The following PATJ variants were observed in gnomAD, a reference collection of about 807,000 sequenced individuals.
PATJ encodes PATJ crumbs cell polarity complex component.
Under a neutral mutation model 224.9 loss-of-function variants are expected in PATJ, and 190 were observed. The observed-to-expected ratio is 0.84, with a 90% CI of 0.75 to 0.95. The LOEUF (loss-of-function observed/expected upper bound fraction) is 0.95. PATJ is among the 40% of genes least tolerant of loss of function. PATJ has a pLI of 0.00. For missense variants in PATJ, 2,121 were observed against 2,270.3 expected (o/e 0.93, Z 1.34); for synonymous variants, 769 against 820.3 (o/e 0.94, Z 1.07).
chr1:62,023,824 G>A (rs886172483), intron 29 of PATJ, among the ~76,000 whole-genome samples: 5 of 152,116 alleles, frequency 3.3e-5, no homozygotes, highest in African/African-American at 4.8e-5. Flanking sequence ...GCATGATGTC[G>A]GCTGCAGATT....
chr1:61,753,894 A>G (rs1355037581), intron 1 of PATJ, among the ~76,000 whole-genome samples: 2 of 150,966 alleles, frequency 1.3e-5, no homozygotes, highest in African/African-American at 4.8e-5. Flanking sequence ...AATATAAAAT[A>G]TAATTTAATT....
intron 27 of PATJ, among the ~76,000 whole-genome samples, chr1:61,965,618 A>G (rs1682019817): frequency 6.6e-6 from 1 of 152,214 alleles, no homozygotes; most frequent in African/African-American, 2.4e-5. Context: ...TTCAGTTGAC[A>G]AGGGACAGAG....
At chr1:61,800,749 G>T (rs1652304110) in intron 11 of PATJ, among the ~76,000 whole-genome samples, 1 of 151,882 alleles carries the variant, frequency 6.6e-6, no homozygotes, top group African/African-American at 2.4e-5. Flanking sequence ...CCCACAACAG[G>T]CCCCGGTGTG....
At chr1:62,137,102 C>T (rs1455457903) in intron 41 of PATJ, among the ~76,000 whole-genome samples, 3 of 151,992 alleles carry the variant, frequency 2.0e-5, no homozygotes, top group Non-Finnish European at 4.4e-5. Context: ...CAGTAAAGAC[C>T]TCTACTTTAT....
chr1:61,778,067 G>T (rs1647036383), intron 7 of PATJ, among the ~76,000 whole-genome samples: 1 of 151,878 alleles, frequency 6.6e-6, no homozygotes, highest in African/African-American at 2.4e-5. Context: ...TTTTGTAGAG[G>T]TGGGGTTTCA....
intron 39 of PATJ, among the ~76,000 whole-genome samples, chr1:62,125,250 A>C (rs75749452): frequency 0.046 from 4,775 of 103,622 alleles, 216 homozygotes; most frequent in Admixed American, 0.13. Flanking sequence ...AAAAAAAAAA[A>C]AAACAAAAAA....
At chr1:62,084,029 G>C (rs1158367997) in intron 32 of PATJ, among the ~76,000 whole-genome samples, 6 of 152,098 alleles carry the variant, frequency 3.9e-5, no homozygotes, top group Non-Finnish European at 8.8e-5. Context: ...CAAGGCGGGC[G>C]GATCACCTGA....
chr1:61,759,543 G>A (rs1285264233), intron 1 of PATJ, among the ~76,000 whole-genome samples: 1 of 151,774 alleles, frequency 6.6e-6, no homozygotes, highest in Non-Finnish European at 1.5e-5. Flanking sequence ...CCAAGTAGCT[G>A]GGATTATAGG....
At chr1:61,836,189 A>T (rs1022283481) in intron 17 of PATJ, among the ~76,000 whole-genome samples, 5 of 152,146 alleles carry the variant, frequency 3.3e-5, no homozygotes, top group African/African-American at 1.2e-4. Context: ...CTAAATGTAG[A>T]ATTTTTTGTT....
intron 27 of PATJ, among the ~76,000 whole-genome samples, chr1:61,978,073 T>TATTTC (rs1488495078): frequency 6.6e-6 from 1 of 151,846 alleles, no homozygotes; most frequent in East Asian, 1.9e-4. Context: ...TCTGATTGAC[T>TATTTC]ATTTCTTCTC....
intron 42 of PATJ, among the ~76,000 whole-genome samples, chr1:62,150,360 A>G (rs956884299): frequency 6.6e-6 from 1 of 152,188 alleles, no homozygotes; most frequent in Non-Finnish European, 1.5e-5. Context: ...AGAGAAGTGG[A>G]AAAACAGACC....
chr1:61,798,709 TAGAG>T (rs1651843657), intron 11 of PATJ, among the ~76,000 whole-genome samples: 1 of 151,584 alleles, frequency 6.6e-6, no homozygotes, highest in South Asian at 2.1e-4. Context: ...CTGGCCAACA[TAGAG>T]AGACCCCTTC....
intron 41 of PATJ, among the ~76,000 whole-genome samples, chr1:62,144,160 C>T (rs992043678): frequency 4.6e-5 from 7 of 152,122 alleles, no homozygotes; most frequent in African/African-American, 1.7e-4. Context: ...CAATTCATTC[C>T]GTCATTCTTC....
At chr1:61,910,144 C>T (rs1446545552) in intron 25 of PATJ, among the ~76,000 whole-genome samples, 1 of 152,118 alleles carries the variant, frequency 6.6e-6, no homozygotes, top group African/African-American at 2.4e-5. Flanking sequence ...CCAGATTGTT[C>T]TTTGCCAAAT....
At chr1:61,785,729 AAAG>A (rs1183488252) in intron 7 of PATJ, among the ~76,000 whole-genome samples, 1 of 152,256 alleles carries the variant, frequency 6.6e-6, no homozygotes, top group African/African-American at 2.4e-5. Context: ...AAAATTTATC[AAAG>A]AAGGGAAATG....
intron 37 of PATJ, among the ~76,000 whole-genome samples, chr1:62,119,807 A>G (rs1961234): frequency 0.75 from 114,464 of 152,008 alleles, 43,362 homozygotes; most frequent in East Asian, 0.91. Flanking sequence ...AGCTGGGCAT[A>G]GTGGTGGGCT....
chr1:61,971,718 G>A (rs750771935), intron 27 of PATJ, among the ~76,000 whole-genome samples: 1 of 151,894 alleles, frequency 6.6e-6, no homozygotes, highest in African/African-American at 2.4e-5. Flanking sequence ...GGGTGGCCAG[G>A]CAAAGTGGCT....
rs960202246 is a variant in PATJ, at chr1:62,076,561, A to G, written c.4126-2889A>G. Among the ~76,000 whole-genome samples the G allele has an allele frequency of 1.1e-4, 16 of 152,332 alleles. No homozygotes were observed. In the East Asian group the frequency reaches 2.9e-3, roughly 28 times the overall value. On this transcript the variant is annotated intron_variant, in intron 31 of 43. Coordinates refer to ENST00000642238, the MANE Select transcript of PATJ (RefSeq NM_001350145.3). ...GACAACTGGAGGCCAGCCTCTATGT[A>G]TATATGTTTGGACATTTCACTTGGA...
In PATJ at chr1:61,760,691, A is replaced by G. The variant is rs371559696; in HGVS notation, c.-35-2167A>G. Reference sequence around the variant, plus strand: ...GAGTGCAGTGGCATGAGCTCAGCTCACTGCAACCTCCACCTCCCAGGTTCA... The same window carrying G: ...GAGTGCAGTGGCATGAGCTCAGCTCGCTGCAACCTCCACCTCCCAGGTTCA... On this transcript the variant is annotated intron_variant, in intron 1 of 43. Coordinates refer to ENST00000642238, the MANE Select transcript of PATJ (RefSeq NM_001350145.3). 1.7e-4 allele frequency among the ~76,000 whole-genome samples: 25 copies of G among 147,214 alleles called. No homozygotes were observed. In the East Asian group the frequency reaches 3.4e-3, roughly 20 times the overall value.
Sources: gnomAD v4.1 joint callset for allele counts (sites outside exome capture counted in the v4.1 genomes callset) on GRCh38, gnomAD v4.1.1 for gene constraint, MANE v1.5 for transcripts, NCBI Gene and HGNC (gene_info 2026-07-23, HGNC 2026-07-21) for gene names.